The following GARS1 variants were observed in gnomAD, a reference collection of about 807,000 sequenced individuals.
GARS1 encodes glycine--tRNA ligase.
Under a neutral mutation model 86.4 loss-of-function variants are expected in GARS1, and 46 were observed. That is an observed-to-expected ratio of 0.53 (90% confidence interval 0.42 to 0.68). The LOEUF is 0.68. Ranked by LOEUF, GARS1 falls within the 30% of genes least tolerant of loss-of-function variation. The pLI is 0.00. For missense variants in GARS1, 797 were observed against 915.6 expected (o/e 0.87, Z 1.67); for synonymous variants, 342 against 329.8 (o/e 1.04, Z -0.40).
chr7:30,595,202 G>T, intron 1 of GARS1, 59 bp downstream of exon 1: 1 of 1,409,244 alleles, frequency 7.1e-7, no homozygotes, highest in South Asian at 1.2e-5. Flanking sequence ...GCCTTCTTCT[G>T]GTCATCCTTC....
intron 14 of GARS1, 71 bp from the exon 15 acceptor site, chr7:30,631,377 G>T: frequency 8.4e-7 from 1 of 1,184,160 alleles, no homozygotes; most frequent in Non-Finnish European, 1.3e-6. Flanking sequence ...AACCTCTTTT[G>T]GTTTGGGATA....
At chr7:30,598,200 T>G (rs964729377) in intron 1 of GARS1, among the ~76,000 whole-genome samples, 1 of 152,140 alleles carries the variant, frequency 6.6e-6, no homozygotes, top group Non-Finnish European at 1.5e-5. Flanking sequence ...TTCCTACTTT[T>G]TAATCAATGC....
chr7:30,596,770 A>G (rs1791257644), intron 1 of GARS1, among the ~76,000 whole-genome samples: 2 of 152,228 alleles, frequency 1.3e-5, no homozygotes, highest in Admixed American at 6.5e-5. Flanking sequence ...CAGTTAGTTA[A>G]TTGTGTGAAT....
rs1791575170 is a variant in GARS1, at chr7:30,610,407, C to G, written c.881+677C>G. Among the ~76,000 whole-genome samples the G allele has an allele frequency of 2.0e-5, 3 of 152,062 alleles. No homozygotes were observed. In the South Asian group the frequency reaches 6.2e-4, roughly 32 times the overall value. On this transcript the variant is annotated intron_variant, in intron 7 of 16. Transcript: ENST00000389266. ...CTTGTCCACTGTTTAACAGACTTAGCCAGTGTTCCATTTCATAGCTTTAGA... is the reference window on the plus strand; with the variant it reads ...CTTGTCCACTGTTTAACAGACTTAGGCAGTGTTCCATTTCATAGCTTTAGA...
intron 2 of GARS1, 74 bp downstream of exon 2, chr7:30,598,971 G>A: frequency 8.3e-7 from 1 of 1,206,430 alleles, no homozygotes; most frequent in Non-Finnish European, 1.2e-6. Flanking sequence ...TTGGATGGGA[G>A]AGACCTAGAA....
intron 15 of GARS1, chr7:30,631,901 C>A: frequency 2.6e-6 from 1 of 390,622 alleles, no homozygotes; most frequent in Non-Finnish European, 4.8e-6. Flanking sequence ...TGGTGGTCAT[C>A]TGGCACATCC....
chr7:30,596,948 T>G (rs1791262040), intron 1 of GARS1, among the ~76,000 whole-genome samples: 2 of 152,198 alleles, frequency 1.3e-5, no homozygotes, highest in Admixed American at 6.5e-5. Flanking sequence ...TAATGACTGG[T>G]CTTGTTAGTA....
intron 16 of GARS1, 109 bp from the exon 17 acceptor site, chr7:30,633,626 G>A (rs918438068): frequency 1.4e-4 from 180 of 1,319,510 alleles, no homozygotes; most frequent in Admixed American, 5.2e-4. Flanking sequence ...CCCATGCCTG[G>A]CATGACATTG....
intron 12 of GARS1, among the ~76,000 whole-genome samples, chr7:30,624,235 G>T (rs532435611): frequency 1.3e-5 from 2 of 152,198 alleles, no homozygotes; most frequent in South Asian, 4.1e-4. Context: ...AGACAATCCG[G>T]GGCTCTGAGA....
intron 10 of GARS1, among the ~76,000 whole-genome samples, chr7:30,620,001 T>C (rs1452215617): frequency 6.6e-6 from 1 of 152,004 alleles, no homozygotes; most frequent in Non-Finnish European, 1.5e-5. Flanking sequence ...GGTCTTGAAC[T>C]TCTGACCTCA....
intron 8 of GARS1, 78 bp downstream of exon 8, chr7:30,612,323 C>G (rs1782776638): frequency 1.6e-6 from 2 of 1,246,308 alleles, no homozygotes; most frequent in Non-Finnish European, 2.4e-6. Context: ...TGTTTTGAAG[C>G]AATTCTGCTT....
At chr7:30,603,331 A>G (rs1214824089) in intron 5 of GARS1, among the ~76,000 whole-genome samples, 165 bp from the exon 6 acceptor site, 1 of 152,254 alleles carries the variant, frequency 6.6e-6, no homozygotes, top group Non-Finnish European at 1.5e-5. Flanking sequence ...TAATTAGCAA[A>G]TGAATCAAGA....
chr7:30,603,474 T>G, intron 5 of GARS1, 22 bp from the exon 6 acceptor site: 1 of 1,588,520 alleles, frequency 6.3e-7, no homozygotes, highest in Non-Finnish European at 8.6e-7. Flanking sequence ...TTGATTGATA[T>G]ATGTCAACAC....
Position 30,622,468 on chromosome 7 carries a change from A to G in GARS1, c.1613+6A>G. 6.2e-7 allele frequency: 1 copy of G among 1,614,058 alleles called. No individual in the cohort carries two copies. Among genetic ancestry groups the G allele is most frequent in the Non-Finnish European group, 8.5e-7 (1 of 1,179,956 alleles). On this transcript the variant is annotated splice_donor_region_variant and intron_variant, in intron 12 of 16. Coordinates refer to ENST00000389266, the MANE Select transcript of GARS1 (RefSeq NM_002047.4). ...ATGCTGCTGAATGAGAAAGGGTAAGATATCAGATGTTTACTCTTCCATGGG... is the reference window on the plus strand; with the variant it reads ...ATGCTGCTGAATGAGAAAGGGTAAGGTATCAGATGTTTACTCTTCCATGGG...
intron 10 of GARS1, 26 bp downstream of exon 10, chr7:30,617,304 G>C: frequency 6.2e-7 from 1 of 1,611,560 alleles, no homozygotes; most frequent in East Asian, 2.2e-5. Flanking sequence ...TTTACCATGT[G>C]ATTTTCACAT....
At chr7:30,615,218 A>G (rs1782868410) in intron 8 of GARS1, among the ~76,000 whole-genome samples, 1 of 152,368 alleles carries the variant, frequency 6.6e-6, no homozygotes, top group East Asian at 1.9e-4. Flanking sequence ...CTTGCTCCAA[A>G]GAAACCAACT....
At chr7:30,609,099 C>T (rs943280780) in intron 6 of GARS1, among the ~76,000 whole-genome samples, 1 of 152,068 alleles carries the variant, frequency 6.6e-6, no homozygotes, top group African/African-American at 2.4e-5. Flanking sequence ...GTCTTCTAGG[C>T]GCTTAATATC....
At chr7:30,603,636 AT>A in intron 6 of GARS1, 64 bp downstream of exon 6, 4 of 1,164,158 alleles carry the variant, frequency 3.4e-6, no homozygotes, top group South Asian at 2.4e-5. Context: ...TCAGTGTTTA[AT>A]GACTGTTGCA....
intron 10 of GARS1, 133 bp from the exon 11 acceptor site, chr7:30,621,260 A>G (rs1782999733): frequency 1.3e-6 from 1 of 796,672 alleles, no homozygotes; most frequent in Admixed American, 2.0e-5. Flanking sequence ...AATATTTATG[A>G]AATTTGAATG....
Sources: gnomAD v4.1 joint callset for allele counts (sites outside exome capture counted in the v4.1 genomes callset) on GRCh38, gnomAD v4.1.1 for gene constraint, MANE v1.5 for transcripts, NCBI Gene and HGNC (gene_info 2026-07-23, HGNC 2026-07-21) for gene names.